The following CWC27 variants were observed in gnomAD, a reference collection of about 807,000 sequenced individuals.
CWC27 encodes the protein CWC27 spliceosome associated cyclophilin.
In CWC27, 47 loss-of-function variants were observed where a neutral mutation model predicts 63.6. That is an observed-to-expected ratio of 0.74 (90% confidence interval 0.58 to 0.94). The LOEUF is 0.94. Among genes scored for constraint, CWC27 ranks in the 40% least tolerant of loss-of-function variants. The pLI is 0.00. For synonymous variants in CWC27, 175 were observed against 179.8 expected (o/e 0.97, Z 0.22); for missense variants, 495 against 554.3 (o/e 0.89, Z 1.07).
At chr5:64,840,933 T>C (rs988825743) in intron 10 of CWC27, among the ~76,000 whole-genome samples, 3 of 152,172 alleles carry the variant, frequency 2.0e-5, no homozygotes, top group African/African-American at 7.2e-5. Context: ...GACTGACACA[T>C]TGTGAAGGTA....
chr5:64,819,018 G>A (rs893714626), intron 10 of CWC27, among the ~76,000 whole-genome samples: 1 of 152,136 alleles, frequency 6.6e-6, no homozygotes, highest in African/African-American at 2.4e-5. Flanking sequence ...AAATACACAT[G>A]TTGCTTAGCT....
chr5:64,804,213 T>C lies in CWC27; in HGVS notation c.781-16T>C. ...AAATTGAGCACCTGGCAAATACTCA[T>C]TTTCCATTTCTACAGGATGGAGAAG... On this transcript the variant is annotated splice_polypyrimidine_tract_variant and intron_variant, in intron 9 of 13. Coordinates refer to ENST00000381070, the MANE Select transcript of CWC27 (RefSeq NM_005869.4). The C allele has an allele frequency of 2.5e-6, 4 of 1,576,488 alleles. No individual in the cohort carries two copies. Among genetic ancestry groups the C allele is most frequent in the Non-Finnish European group, 3.4e-6 (4 of 1,160,108 alleles).
At chr5:64,878,025 G>T (rs558309054) in intron 10 of CWC27, among the ~76,000 whole-genome samples, 1 of 151,892 alleles carries the variant, frequency 6.6e-6, no homozygotes, top group Non-Finnish European at 1.5e-5. Context: ...AATGATCTGC[G>T]TGGTATAACT....
At chr5:64,831,937 G>A (rs1186712512) in intron 10 of CWC27, among the ~76,000 whole-genome samples, 1 of 151,838 alleles carries the variant, frequency 6.6e-6, no homozygotes, top group African/African-American at 2.4e-5. Context: ...AGCTGTAGAA[G>A]GCAAATCTGG....
chr5:64,802,680 A>G (rs922122008), intron 9 of CWC27, among the ~76,000 whole-genome samples: 6 of 152,170 alleles, frequency 3.9e-5, no homozygotes, highest in Admixed American at 3.9e-4. Flanking sequence ...CAAGACAACC[A>G]CAAGGTTTCT....
intron 11 of CWC27, among the ~76,000 whole-genome samples, chr5:64,955,145 A>G (rs561073587): frequency 1.4e-4 from 22 of 152,270 alleles, no homozygotes; most frequent in Non-Finnish European, 2.2e-4. Context: ...AGTCATAACT[A>G]TAAAGTACCT....
chr5:64,891,657 T>G (rs1274062187), intron 11 of CWC27, among the ~76,000 whole-genome samples: 1 of 152,216 alleles, frequency 6.6e-6, no homozygotes, highest in Non-Finnish European at 1.5e-5. Context: ...AACCCTACAT[T>G]ATAGGCATAT....
chr5:64,933,794 T>C lies in CWC27; in HGVS notation c.1043-37909T>C, dbSNP rs1459971450. ...GCGTGAGCCACCACGCCTAGCCACATGCATACATTTTTCTCTTGAACTATT... is the reference window on the plus strand; with the variant it reads ...GCGTGAGCCACCACGCCTAGCCACACGCATACATTTTTCTCTTGAACTATT... On this transcript the variant is annotated intron_variant, in intron 11 of 13. Coordinates refer to ENST00000381070, the MANE Select transcript of CWC27 (RefSeq NM_005869.4). Among the ~76,000 whole-genome samples the C allele has an allele frequency of 2.6e-5, 4 of 152,184 alleles. 1 individual carries two copies. Among genetic ancestry groups the C allele is most frequent in the African/African-American group, 9.7e-5 (4 of 41,448 alleles).
chr5:64,965,933 A>T (rs1749005005), intron 11 of CWC27, among the ~76,000 whole-genome samples: 2 of 152,208 alleles, frequency 1.3e-5, no homozygotes, highest in Non-Finnish European at 2.9e-5. Context: ...GGGCAAATAC[A>T]TTCAGGAGGA....
chr5:64,893,368 T>G (rs1747287174), intron 11 of CWC27, among the ~76,000 whole-genome samples: 1 of 152,260 alleles, frequency 6.6e-6, no homozygotes, highest in South Asian at 2.1e-4. Context: ...GGGAAAGATA[T>G]TCTTTTCACA....
At chr5:64,817,611 T>C (rs1745077398) in intron 10 of CWC27, among the ~76,000 whole-genome samples, 1 of 152,176 alleles carries the variant, frequency 6.6e-6, no homozygotes, top group Admixed American at 6.6e-5. Flanking sequence ...AATTGTCTTA[T>C]AACAGCAGAC....
At chr5:64,847,242 C>T (rs1353282429) in intron 10 of CWC27, among the ~76,000 whole-genome samples, 2 of 152,032 alleles carry the variant, frequency 1.3e-5, no homozygotes, top group Non-Finnish European at 1.5e-5. Context: ...GGTAGCTATA[C>T]ATACATAAGA....
At chr5:64,840,584 TA>T (rs1745806682) in intron 10 of CWC27, among the ~76,000 whole-genome samples, 1 of 151,440 alleles carries the variant, frequency 6.6e-6, no homozygotes, top group Non-Finnish European at 1.5e-5. Flanking sequence ...ATGTACCACA[TA>T]AATGCAAAAG....
chr5:64,812,317 T>C (rs73101329), intron 10 of CWC27, among the ~76,000 whole-genome samples: 55,138 of 151,880 alleles, frequency 0.36, 10,579 homozygotes, highest in East Asian at 0.51. Flanking sequence ...AGGATGTGCC[T>C]CTCTTCATCT....
At chr5:64,873,385 G>C (rs993644947) in intron 10 of CWC27, among the ~76,000 whole-genome samples, 6 of 151,762 alleles carry the variant, frequency 4.0e-5, no homozygotes, top group African/African-American at 1.5e-4. Context: ...ATATAAATAG[G>C]TCTTCTCTGT....
chr5:64,791,699 A>G (rs1448430018), intron 7 of CWC27, among the ~76,000 whole-genome samples: 1 of 151,794 alleles, frequency 6.6e-6, no homozygotes, highest in African/African-American at 2.4e-5. Flanking sequence ...AGGCTGGTTT[A>G]CTCTTCTTTT....
At chr5:64,929,251 T>C (rs1748184977) in intron 11 of CWC27, among the ~76,000 whole-genome samples, 2 of 152,098 alleles carry the variant, frequency 1.3e-5, no homozygotes, top group Admixed American at 1.3e-4. Context: ...TGGCAATGAG[T>C]ACATTTAGCA....
At chr5:64,877,974 A>G (rs751631421) in intron 10 of CWC27, among the ~76,000 whole-genome samples, 1 of 151,952 alleles carries the variant, frequency 6.6e-6, no homozygotes, top group Non-Finnish European at 1.5e-5. Context: ...AATAATTTTA[A>G]TTCAAAATGT....
intron 7 of CWC27, among the ~76,000 whole-genome samples, chr5:64,793,311 A>G (rs1340065321): frequency 1.3e-5 from 2 of 152,164 alleles, no homozygotes; most frequent in African/African-American, 4.8e-5. Flanking sequence ...TAAAATCTAC[A>G]GAATTTAACT....
Sources: gnomAD v4.1 joint callset for allele counts (sites outside exome capture counted in the v4.1 genomes callset) on GRCh38, gnomAD v4.1.1 for gene constraint, MANE v1.5 for transcripts, NCBI Gene and HGNC (gene_info 2026-07-23, HGNC 2026-07-21) for gene names.